NMNAT1: variants seen among roughly 807,000 people sequenced by gnomAD.
NMNAT1 encodes the protein nicotinamide nucleotide adenylyltransferase 1.
Under a neutral mutation model 16.7 loss-of-function variants are expected in NMNAT1, and 11 were observed. That is an observed-to-expected ratio of 0.66 (90% CI 0.41 to 1.09). The LOEUF (loss-of-function observed/expected upper bound fraction) is 1.09, where lower values mean the gene tolerates loss of function less well. Ranked by LOEUF, NMNAT1 falls within the 50% of genes least tolerant of loss-of-function variation. The probability of loss-of-function intolerance (pLI) is 0.00; values close to 1 mark genes in which losing one functional copy is unlikely to be tolerated. For synonymous variants in NMNAT1, 110 were observed against 119.8 expected (o/e 0.92, Z 0.53); for missense variants, 280 against 332.3 (o/e 0.84, Z 1.22).
downstream of NMNAT1, among the ~76,000 whole-genome samples, chr1:9,987,392 G>A (rs1445707145): frequency 6.6e-6 from 1 of 152,026 alleles, no homozygotes; most frequent in Non-Finnish European, 1.5e-5. Context: ...TGTAATTCCA[G>A]CACTTTGGGA....
intron 3 of NMNAT1, among the ~76,000 whole-genome samples, chr1:9,977,600 C>T (rs1027398950): frequency 3.3e-5 from 5 of 152,080 alleles, no homozygotes; most frequent in African/African-American, 1.2e-4. Flanking sequence ...GGCGTGGTAG[C>T]TCATGACTAT....
At chr1:9,945,037 C>T (rs1358967792) in intron 1 of NMNAT1, among the ~76,000 whole-genome samples, 1 of 152,140 alleles carries the variant, frequency 6.6e-6, no homozygotes, top group African/African-American at 2.4e-5. Flanking sequence ...AATTCAAAAC[C>T]AGCCCGGCCA....
chr1:9,947,364 C>T (rs1641001879), intron 1 of NMNAT1: 1 of 152,730 alleles, frequency 6.5e-6, no homozygotes, highest in African/African-American at 2.4e-5. Context: ...CCGTTGATCA[C>T]CAGGGTTGAT....
the NMNAT1 span, among the ~76,000 whole-genome samples, chr1:9,996,834 ATCACT>A: frequency 3.3e-5 from 5 of 152,188 alleles, no homozygotes; most frequent in African/African-American, 1.2e-4. Context: ...ATCACCAGCA[ATCACT>A]TCTCTCAGGA....
the NMNAT1 span, among the ~76,000 whole-genome samples, chr1:9,993,298 GT>G: frequency 6.6e-6 from 1 of 152,008 alleles, no homozygotes; most frequent in Admixed American, 6.6e-5. Context: ...GACCGATACG[GT>G]GAAACCTCAT....
the NMNAT1 span, among the ~76,000 whole-genome samples, chr1:9,990,693 T>G: frequency 2.6e-5 from 4 of 152,128 alleles, no homozygotes; most frequent in South Asian, 6.2e-4. Flanking sequence ...AGCATCAGAC[T>G]CCATCAAGCA....
In NMNAT1 at chr1:9,945,809, A is replaced by G. The variant is rs969542633; in HGVS notation, c.-57+2294A>G. ...TGCCCTGTCACCCAGACTGGAGTAC[A>G]GTGACACGAGCACGGCTCACTGCAG... is the stretch of plus-strand genomic sequence containing the variant. On this transcript the variant is annotated intron_variant, in intron 1 of 4. Transcript: ENST00000377205. 2.0e-5 allele frequency among the ~76,000 whole-genome samples: 3 copies of G among 152,336 alleles called. No homozygotes were observed. In the East Asian group the frequency reaches 5.8e-4, roughly 29 times the overall value.
In NMNAT1 at chr1:9,951,584, C is replaced by T. The variant is rs1336587798; in HGVS notation, c.-57+8069C>T. ...TGACTTCCTGGGTTCACGGGATCCT[C>T]CTGCCTCAGCCTCCCAAGTAGCTGG... On this transcript the variant is annotated intron_variant, in intron 1 of 4. Transcript: ENST00000377205. 4.6e-5 allele frequency among the ~76,000 whole-genome samples: 7 copies of T among 152,232 alleles called. No individual in the cohort carries two copies. In the East Asian group the frequency reaches 1.4e-3, roughly 29 times the overall value.
chr1:9,950,480 C>T (rs955463456), intron 1 of NMNAT1: 3 of 152,246 alleles, frequency 2.0e-5, no homozygotes, highest in South Asian at 2.1e-4. Flanking sequence ...AGGAGATGGT[C>T]GTGTGATGGC....
downstream of NMNAT1, among the ~76,000 whole-genome samples, chr1:9,990,122 A>G (rs1476713486): frequency 1.3e-5 from 2 of 152,214 alleles, no homozygotes; most frequent in Non-Finnish European, 2.9e-5. Context: ...CCCTGCTTCA[A>G]AATGTATCAG....
chr1:9,987,315 T>C (rs1642057115), downstream of NMNAT1, among the ~76,000 whole-genome samples: 1 of 151,736 alleles, frequency 6.6e-6, no homozygotes, highest in Non-Finnish European at 1.5e-5. Context: ...AGCAACAGAG[T>C]GAGACCCTGT....
chr1:9,991,700 G>A, the NMNAT1 span, among the ~76,000 whole-genome samples: 6 of 152,132 alleles, frequency 3.9e-5, no homozygotes, highest in Middle Eastern at 3.4e-3. Context: ...AAAGCTTCAT[G>A]GAAAAGGCAG....
At chr1:9,996,188 G>A in the NMNAT1 span, among the ~76,000 whole-genome samples, 1 of 151,386 alleles carries the variant, frequency 6.6e-6, no homozygotes, top group Non-Finnish European at 1.5e-5. Context: ...GCGGGCGCCT[G>A]TAGTCCCAGC....
intron 1 of NMNAT1, among the ~76,000 whole-genome samples, chr1:9,946,491 C>T (rs1640983942): frequency 6.6e-6 from 1 of 152,136 alleles, no homozygotes; most frequent in Admixed American, 6.6e-5. Flanking sequence ...ACGCAAGTTG[C>T]TCCAACTAGG....
intron 2 of NMNAT1, among the ~76,000 whole-genome samples, chr1:9,973,901 A>G (rs572556637): frequency 2.0e-5 from 3 of 149,176 alleles, no homozygotes; most frequent in South Asian, 2.2e-4. Context: ...GCAGTGGCAC[A>G]GTCTTGGCTC....
At chr1:9,982,110 G>A (rs996517459) in intron 4 of NMNAT1, among the ~76,000 whole-genome samples, 191 bp from the exon 5 acceptor site, 2 of 152,010 alleles carry the variant, frequency 1.3e-5, no homozygotes, top group Non-Finnish European at 2.9e-5. Flanking sequence ...TGATCTACCC[G>A]CCTCGGCCTC....
chr1:9,958,770 C>T (rs1641330366), intron 1 of NMNAT1, among the ~76,000 whole-genome samples: 1 of 152,072 alleles, frequency 6.6e-6, no homozygotes, highest in African/African-American at 2.4e-5. Flanking sequence ...ATCTTTAGAA[C>T]CTTGGTTCCT....
intron 1 of NMNAT1, chr1:9,949,975 T>G (rs1371647921): frequency 6.6e-6 from 1 of 152,206 alleles, no homozygotes; most frequent in Non-Finnish European, 1.5e-5. Flanking sequence ...GTGAAAGTAT[T>G]TGATAGGAGA....
chr1:9,969,488 C>T (rs1388441251), intron 1 of NMNAT1, among the ~76,000 whole-genome samples: 1 of 152,100 alleles, frequency 6.6e-6, no homozygotes, highest in Non-Finnish European at 1.5e-5. Context: ...TAGACATTTT[C>T]AGGCCAGGCA....
Sources: allele counts gnomAD v4.1 joint callset (sites outside exome capture counted in the v4.1 genomes callset), GRCh38; gene constraint gnomAD v4.1.1; transcripts MANE v1.5; gene names NCBI Gene and HGNC (gene_info 2026-07-23, HGNC 2026-07-21).